The following FAT3 variants were observed in gnomAD, a reference collection of about 807,000 sequenced individuals.
The protein encoded by FAT3 is FAT atypical cadherin 3, also known as protocadherin Fat 3.
Under a neutral mutation model 310.2 loss-of-function variants are expected in FAT3, and 95 were observed. The ratio of observed to expected loss-of-function variants is 0.31; its 90% CI spans 0.26 to 0.36. The LOEUF is 0.36. Ranked by LOEUF, FAT3 falls within the 10% of genes least tolerant of loss-of-function variation. The pLI is 1.00. For synonymous variants in FAT3, 2,314 were observed against 2,192.9 expected, an observed-to-expected ratio of 1.06 and a Z score of -1.54; for missense variants, 5,408 against 5,715.6, an observed-to-expected ratio of 0.95 and a Z score of 1.74.
intron 2 of FAT3, among the ~76,000 whole-genome samples, chr11:92,418,289 C>A (rs1029430907): frequency 5.9e-5 from 9 of 151,996 alleles, no homozygotes; most frequent in African/African-American, 2.2e-4. Flanking sequence ...TTAGTGAATG[C>A]ATTTTAGGTA....
chr11:92,519,279 A>G (rs1953604011), intron 2 of FAT3, among the ~76,000 whole-genome samples: 1 of 152,142 alleles, frequency 6.6e-6, no homozygotes, highest in Non-Finnish European at 1.5e-5. Flanking sequence ...GTGCAAAGGC[A>G]GTTCAGTGGA....
chr11:92,340,507 T>C (rs569935102), intron 1 of FAT3, among the ~76,000 whole-genome samples: 3 of 152,334 alleles, frequency 2.0e-5, no homozygotes, highest in Admixed American at 6.5e-5. Flanking sequence ...ACCGTCTGCA[T>C]TGGATTGCTT....
intron 4 of FAT3, among the ~76,000 whole-genome samples, chr11:92,737,340 G>T (rs1488715246): frequency 6.6e-6 from 1 of 152,034 alleles, no homozygotes. Flanking sequence ...GGTAGCCATG[G>T]TACTTAAAAT....
Position 92,866,820 on chromosome 11 carries a change from A to G in FAT3, c.11738A>G (p.Asn3913Ser), listed in dbSNP as rs1420623122. ...GILGISGRAVNDGSWHSVFLE... is the reference protein window; with the variant it reads ...GILGISGRAVSDGSWHSVFLE... The stretch of plus-strand genomic sequence containing the variant: ...TTGGGCATCTCGGGCCGTGCTGTCA[A>G]CGACGGGAGCTGGCACTCGGTCTTC... The change falls in exon 22 of 28, where the codon AAC becomes AGC. Residue 3913 changes from asparagine to serine, a missense_variant. Around this residue, in one of 5 missense-constraint regions of FAT3, gnomAD observed 4,588 missense variants for 4,809.8 expected, o/e 0.95. Coordinates refer to ENST00000525166, the MANE Select transcript of FAT3 (RefSeq NM_001367949.2). 6.2e-7 allele frequency: 1 copy of G among 1,613,906 alleles called. No individual in the cohort carries two copies. Among genetic ancestry groups the G allele is most frequent in the Non-Finnish European group, 8.5e-7 (1 of 1,179,850 alleles).
At chr11:92,709,109 A>T (rs1944444661) in intron 4 of FAT3, among the ~76,000 whole-genome samples, 1 of 152,062 alleles carries the variant, frequency 6.6e-6, no homozygotes, top group African/African-American at 2.4e-5. Flanking sequence ...CAAATAACTA[A>T]TTTCCCCCGG....
intron 1 of FAT3, among the ~76,000 whole-genome samples, chr11:92,229,107 T>C (rs1565338942): frequency 6.6e-6 from 1 of 152,212 alleles, no homozygotes; most frequent in Non-Finnish European, 1.5e-5. Context: ...TTCCTAGAGT[T>C]AGCAGAGCCT....
At chr11:92,475,709 A>G (rs1290346981) in intron 2 of FAT3, among the ~76,000 whole-genome samples, 1 of 152,254 alleles carries the variant, frequency 6.6e-6, no homozygotes, top group Non-Finnish European at 1.5e-5. Flanking sequence ...TGATTGAGGA[A>G]TATTTGAGAA....
intron 1 of FAT3, among the ~76,000 whole-genome samples, chr11:92,319,992 A>C (rs1247583889): frequency 6.6e-6 from 1 of 152,144 alleles, no homozygotes; most frequent in African/African-American, 2.4e-5. Flanking sequence ...TTCTCCCAAA[A>C]CTTTAATTTG....
chr11:92,417,851 C>T (rs1474004958), intron 2 of FAT3, among the ~76,000 whole-genome samples: 1 of 152,210 alleles, frequency 6.6e-6, no homozygotes, highest in Non-Finnish European at 1.5e-5. Context: ...CTGTGGATCT[C>T]CAAGTGATGG....
intron 3 of FAT3, among the ~76,000 whole-genome samples, chr11:92,597,052 T>C (rs563618004): frequency 6.6e-6 from 1 of 152,330 alleles, no homozygotes; most frequent in Admixed American, 6.5e-5. Context: ...CATGTACTAA[T>C]GGCTTGCACA....
At chr11:92,811,480 G>T (rs930528603) in intron 13 of FAT3, among the ~76,000 whole-genome samples, 1 of 152,098 alleles carries the variant, frequency 6.6e-6, no homozygotes, top group Non-Finnish European at 1.5e-5. Context: ...AACATGAGGG[G>T]GTGGAGTGGG....
At chr11:92,710,745 C>G (rs1198373473) in intron 4 of FAT3, among the ~76,000 whole-genome samples, 1 of 152,174 alleles carries the variant, frequency 6.6e-6, no homozygotes, top group Non-Finnish European at 1.5e-5. Flanking sequence ...GATACATGCA[C>G]AAAACCATTT....
chr11:92,339,360 T>C (rs1346429853), intron 1 of FAT3, among the ~76,000 whole-genome samples: 2 of 152,182 alleles, frequency 1.3e-5, no homozygotes, highest in Non-Finnish European at 2.9e-5. Context: ...CTATGTTTTC[T>C]TGGAGTTTCA....
intron 2 of FAT3, among the ~76,000 whole-genome samples, chr11:92,433,445 C>T (rs1255042123): frequency 1.3e-5 from 2 of 152,168 alleles, no homozygotes; most frequent in Admixed American, 6.5e-5. Context: ...AGCTCTGTCC[C>T]TCATGGCACA....
chr11:92,432,248 C>G (rs1397849874), intron 2 of FAT3, among the ~76,000 whole-genome samples: 6 of 152,104 alleles, frequency 3.9e-5, no homozygotes, highest in Middle Eastern at 3.2e-3. Context: ...GTATTTTATT[C>G]TCTTTGAAGC....
At chr11:92,338,681 A>G (rs1948157132) in intron 1 of FAT3, among the ~76,000 whole-genome samples, 1 of 152,188 alleles carries the variant, frequency 6.6e-6, no homozygotes, top group South Asian at 2.1e-4. Context: ...TTGTTGGCAG[A>G]ATAAATGCGT....
intron 2 of FAT3, among the ~76,000 whole-genome samples, chr11:92,387,121 A>G (rs1949644223): frequency 6.7e-6 from 1 of 148,940 alleles, no homozygotes; most frequent in African/African-American, 2.5e-5. Context: ...TAACAGAGGG[A>G]AGGAACGTCA....
At chr11:92,255,244 T>C (rs1018494227) in intron 1 of FAT3, among the ~76,000 whole-genome samples, 2 of 151,938 alleles carry the variant, frequency 1.3e-5, no homozygotes, top group Non-Finnish European at 2.9e-5. Flanking sequence ...TTTGTAGCAG[T>C]GATCCTAACT....
chr11:92,501,487 A>G (rs1952936072), intron 2 of FAT3, among the ~76,000 whole-genome samples: 1 of 152,092 alleles, frequency 6.6e-6, no homozygotes, highest in Non-Finnish European at 1.5e-5. Flanking sequence ...ATAGCAATAC[A>G]GAGTCAGAGA....
Sources: gnomAD v4.1 joint callset for allele counts (sites outside exome capture counted in the v4.1 genomes callset) on GRCh38, gnomAD v4.1.1 for gene constraint, gnomAD v4.1.1 regional missense constraint, MANE v1.5 for transcripts, NCBI Gene and HGNC (gene_info 2026-07-23, HGNC 2026-07-21) for gene names.